The following SNX29 variants were observed in gnomAD, a reference collection of about 807,000 sequenced individuals.
SNX29 encodes the protein sorting nexin-29.
Under a neutral mutation model 102.1 loss-of-function variants are expected in SNX29, and 78 were observed. The ratio of observed to expected loss-of-function variants is 0.76; its 90% CI spans 0.64 to 0.92. The LOEUF (loss-of-function observed/expected upper bound fraction) is 0.92. SNX29 is among the 40% of genes least tolerant of loss of function. The pLI is 0.00. For missense variants in SNX29, 1,280 were observed against 1,061.7 expected, an observed-to-expected ratio of 1.21 and a Z score of -2.86; for synonymous variants, 580 against 414.5, an observed-to-expected ratio of 1.40 and a Z score of -4.85.
At chr16:12,052,698 A>G (rs350221) in intron 8 of SNX29, 133,947 of 182,444 alleles carry the variant, frequency 0.73, 50,703 homozygotes, top group African/African-American at 0.92. Context: ...AAGAGGGGAA[A>G]GGAGTACATT....
intron 15 of SNX29, among the ~76,000 whole-genome samples, chr16:12,304,375 C>T (rs1325489265): frequency 3.3e-5 from 5 of 152,174 alleles, no homozygotes; most frequent in South Asian, 2.1e-4. Flanking sequence ...CAGGTTCAAG[C>T]GATTCTCCTG....
At position 11,976,798 on chromosome 16, in the gene SNX29, A is replaced by G. The variant is rs1468168267; in HGVS notation, c.-9A>G. 2.2e-6 allele frequency: 3 copies of G among 1,377,712 alleles called. No individual in the cohort carries two copies. The highest frequency in any genetic ancestry group is 1.6e-5 in the South Asian group (1 of 62,194). 85.3% of individuals were successfully genotyped at this position (1,377,712 alleles called of 1,614,324 possible). On this transcript the variant is annotated 5_prime_UTR_variant, in exon 1 of 21. Coordinates refer to ENST00000566228, the MANE Select transcript of SNX29 (RefSeq NM_032167.5). ...GCGCGGCGCAGGCACCGGCCCGGGGAGAGGCACCATGAGCGGTGAGTGGCG... is the reference window on the plus strand; with the variant it reads ...GCGCGGCGCAGGCACCGGCCCGGGGGGAGGCACCATGAGCGGTGAGTGGCG...
chr16:12,226,379 G>T (rs1181372509), intron 14 of SNX29, among the ~76,000 whole-genome samples: 1 of 152,126 alleles, frequency 6.6e-6, no homozygotes, highest in East Asian at 1.9e-4. Flanking sequence ...AAGGTAAACT[G>T]TTTAAAAATT....
intron 5 of SNX29, 64 bp downstream of exon 5, chr16:12,043,141 A>G (rs900874222): frequency 6.3e-7 from 1 of 1,580,430 alleles, no homozygotes; most frequent in Non-Finnish European, 8.6e-7. Context: ...GGAGTCTGGA[A>G]TCAGACCACC....
intron 20 of SNX29, among the ~76,000 whole-genome samples, chr16:12,543,693 A>AG (rs1472019165): frequency 1.3e-5 from 2 of 152,252 alleles, no homozygotes; most frequent in Middle Eastern, 3.2e-3. Context: ...CAGTCGTATC[A>AG]GAAAATATTA....
chr16:12,007,255 A>G (rs7206768), intron 3 of SNX29, among the ~76,000 whole-genome samples: 61,257 of 152,094 alleles, frequency 0.4, 13,251 homozygotes, highest in Non-Finnish European at 0.49. Flanking sequence ...CTATAATCCC[A>G]GCCTTTTGGG....
Position 12,078,148 on chromosome 16 carries a change from C to G in SNX29, c.1320-685C>G, listed in dbSNP as rs562243956. Among the ~76,000 whole-genome samples, 400 of 152,164 alleles carry G rather than the reference C, an allele frequency of 2.6e-3. 1 individual carries two copies. The highest frequency in any genetic ancestry group is 4.2e-3 in the Non-Finnish European group (287 of 68,004). On this transcript the variant is annotated intron_variant, in intron 10 of 20. Transcript: ENST00000566228. The stretch of plus-strand genomic sequence containing the variant: ...AACTGTCGGCAGTACCACTTCAGCA[C>G]TGTGCTTGGGGACATTTTAAACAAT...
intron 5 of SNX29, among the ~76,000 whole-genome samples, chr16:12,045,174 C>T (rs2050037119): frequency 1.3e-5 from 2 of 152,192 alleles, no homozygotes; most frequent in South Asian, 4.1e-4. Context: ...TGTACGTCTA[C>T]TAACATTTTC....
chr16:12,210,325 CTTTT>C (rs5815673), intron 14 of SNX29, among the ~76,000 whole-genome samples: 2 of 141,770 alleles, frequency 1.4e-5, no homozygotes, highest in Admixed American at 7.0e-5. Context: ...GTTCCCTCCA[CTTTT>C]TTTTTTTTTT....
chr16:12,021,374 G>A (rs1002081755), intron 3 of SNX29, among the ~76,000 whole-genome samples: 3 of 151,980 alleles, frequency 2.0e-5, no homozygotes, highest in Non-Finnish European at 4.4e-5. Context: ...TGCAGTGAGC[G>A]GAGATCGCGC....
chr16:12,307,973 G>A (rs963478047), intron 15 of SNX29, among the ~76,000 whole-genome samples: 14 of 152,320 alleles, frequency 9.2e-5, no homozygotes, highest in African/African-American at 3.1e-4. Flanking sequence ...ACAACGTTTG[G>A]TGTAGACAGA....
chr16:12,568,394 T>G (rs2079103691), intron 20 of SNX29, 112 bp from the exon 21 acceptor site: 1 of 1,417,886 alleles, frequency 7.1e-7, no homozygotes, highest in Non-Finnish European at 9.6e-7. Context: ...AATGAGCCAG[T>G]CACAGTTGCC....
intron 20 of SNX29, among the ~76,000 whole-genome samples, chr16:12,549,471 G>A (rs1460052534): frequency 3.4e-5 from 5 of 145,096 alleles, no homozygotes; most frequent in Non-Finnish European, 3.0e-5. Context: ...CTCCAGCGTG[G>A]GCAACAGGAA....
intron 15 of SNX29, among the ~76,000 whole-genome samples, chr16:12,282,349 C>T (rs553451929): frequency 1.9e-3 from 294 of 152,292 alleles, no homozygotes; most frequent in Non-Finnish European, 3.5e-3. Context: ...ATCACAAACC[C>T]TTTGTTACTG....
chr16:12,446,157 G>A (rs568679315), intron 18 of SNX29, among the ~76,000 whole-genome samples: 2 of 147,294 alleles, frequency 1.4e-5, no homozygotes, highest in African/African-American at 2.5e-5. Flanking sequence ...TTGGGCTCAA[G>A]CAGTTGTTCA....
chr16:12,292,292 T>G (rs1053717304), intron 15 of SNX29, among the ~76,000 whole-genome samples: 1 of 152,204 alleles, frequency 6.6e-6, no homozygotes, highest in Non-Finnish European at 1.5e-5. Flanking sequence ...TTTTTAGCAC[T>G]GTTTGTCATT....
chr16:12,245,929 C>T lies in SNX29; in HGVS notation c.1679-32004C>T, dbSNP rs146350571. ...CATTTGACTGTGGGAGAGTAACTTG[C>T]TTAAGCCCCAGAATCATCTTCTGTG... On this transcript the variant is annotated intron_variant, in intron 14 of 20. Coordinates refer to ENST00000566228, the MANE Select transcript of SNX29 (RefSeq NM_032167.5). 3.7e-3 allele frequency among the ~76,000 whole-genome samples: 560 copies of T among 152,266 alleles called. 4 individuals are homozygous for T. The highest frequency in any genetic ancestry group is 0.013 in the African/African-American group (533 of 41,538).
intron 19 of SNX29, among the ~76,000 whole-genome samples, chr16:12,519,837 G>C (rs1347007141): frequency 1.3e-5 from 2 of 152,092 alleles, no homozygotes; most frequent in South Asian, 2.1e-4. Context: ...GCGAAACCCT[G>C]TCTCTGTTAA....
chr16:12,332,533 T>C (rs767631887), intron 15 of SNX29, among the ~76,000 whole-genome samples: 1 of 152,140 alleles, frequency 6.6e-6, no homozygotes, highest in Non-Finnish European at 1.5e-5. Context: ...CCTCGTCATA[T>C]TGAAGGCCAT....
Sources: allele counts gnomAD v4.1 joint callset (sites outside exome capture counted in the v4.1 genomes callset), GRCh38; gene constraint gnomAD v4.1.1; transcripts MANE v1.5; gene names NCBI Gene and HGNC (gene_info 2026-07-23, HGNC 2026-07-21).